PAN3: variants seen among roughly 807,000 people sequenced by gnomAD.
The protein encoded by PAN3 is poly(A) specific ribonuclease subunit PAN3.
PAN3 carries 19 observed loss-of-function variants against 96.2 expected under a neutral mutation model. The observed-to-expected ratio is 0.20, with a 90% CI of 0.14 to 0.29. The LOEUF (loss-of-function observed/expected upper bound fraction) is 0.29, where lower values mean the gene tolerates loss of function less well. PAN3 is among the 10% of genes least tolerant of loss of function. The pLI is 1.00. For missense variants in PAN3, 882 were observed against 1,108.1 expected (o/e 0.80, Z 2.90); for synonymous variants, 433 against 406.6 (o/e 1.06, Z -0.78).
Position 28,261,512 on chromosome 13 carries a change from T to C in PAN3, c.1411+54T>C, listed in dbSNP as rs139331972. ...TTTAAAGGCTGTTATAATTCTTACG[T>C]GGTAGTACATGTTTTATGCATTATT... On this transcript the variant is annotated intron_variant, in intron 9 of 18. Transcript: ENST00000380958. 2.7e-6 allele frequency: 4 copies of C among 1,484,380 alleles called. No homozygotes were observed. In the African/African-American group the frequency reaches 5.6e-5, roughly 21 times the overall value. 92.0% of individuals were successfully genotyped at this position (1,484,380 alleles called of 1,614,324 possible). A position where few individuals can be genotyped will look rare whatever the true frequency, so the allele number is the denominator to read the frequency against.
chr13:28,248,444 G>A (rs1027402872), intron 6 of PAN3, among the ~76,000 whole-genome samples: 1 of 152,074 alleles, frequency 6.6e-6, no homozygotes, highest in Non-Finnish European at 1.5e-5. Context: ...CTGGGGCTAG[G>A]ACTTCCAGTA....
intron 18 of PAN3, among the ~76,000 whole-genome samples, chr13:28,288,446 C>A (rs975835519): frequency 1.3e-5 from 2 of 152,012 alleles, no homozygotes; most frequent in African/African-American, 4.8e-5. Context: ...ATTACAGGCA[C>A]CCATCACCAT....
At chr13:28,259,703 A>G (rs996711308) in intron 7 of PAN3, among the ~76,000 whole-genome samples, 1 of 151,650 alleles carries the variant, frequency 6.6e-6, no homozygotes, top group Non-Finnish European at 1.5e-5. Flanking sequence ...CAATGGCACA[A>G]TCTCCACTCA....
chr13:28,257,752 AT>A (rs1885313085), intron 7 of PAN3, among the ~76,000 whole-genome samples: 1 of 138,104 alleles, frequency 7.2e-6, no homozygotes, highest in African/African-American at 2.7e-5. Context: ...TATATAATAT[AT>A]AATTAATTAT....
chr13:28,198,289 C>CAAA (rs539191279), intron 5 of PAN3, among the ~76,000 whole-genome samples: 2 of 124,378 alleles, frequency 1.6e-5, no homozygotes, highest in Non-Finnish European at 3.5e-5. Context: ...GATTCTGTCT[C>CAAA]AAAAAAAAAA....
chr13:28,194,445 TG>T (rs1316373326), intron 4 of PAN3, among the ~76,000 whole-genome samples: 161 of 120,084 alleles, frequency 1.3e-3, no homozygotes, highest in African/African-American at 5.7e-3. Context: ...TACATATATA[TG>T]TATGTATATA....
chr13:28,248,336 T>G (rs1304976522), intron 6 of PAN3, among the ~76,000 whole-genome samples: 1 of 152,200 alleles, frequency 6.6e-6, no homozygotes, highest in Non-Finnish European at 1.5e-5. Context: ...TTTTGGTGTT[T>G]CTAAATATAA....
chr13:28,271,481 C>T (rs1018365100), intron 13 of PAN3, among the ~76,000 whole-genome samples: 8 of 152,084 alleles, frequency 5.3e-5, no homozygotes, highest in Non-Finnish European at 7.4e-5. Flanking sequence ...GTCGATATGC[C>T]GTTGAACAAG....
chr13:28,148,401 G>A (rs1027859402), intron 1 of PAN3, among the ~76,000 whole-genome samples: 1 of 152,054 alleles, frequency 6.6e-6, no homozygotes, highest in African/African-American at 2.4e-5. Flanking sequence ...TCTCTCCTCA[G>A]TCCACTGAGT....
At position 28,294,108 on chromosome 13, in the gene PAN3, G is replaced by A. The variant is rs766582052; in HGVS notation, c.*1586G>A. 3 of 152,614 alleles carry A rather than the reference G, an allele frequency of 2.0e-5. No individual in the cohort carries two copies. The highest frequency in any genetic ancestry group is 4.4e-5 in the Non-Finnish European group (3 of 68,034). 9.5% of individuals were successfully genotyped at this position (152,614 alleles called of 1,614,324 possible). On this transcript the variant is annotated 3_prime_UTR_variant, in exon 19 of 19. Transcript: ENST00000380958. The stretch of plus-strand genomic sequence containing the variant: ...AAAAAGCACCTCTCTTCACCTGAAA[G>A]CTTTGAAGACTAGAGACACGCTTTA...
At chr13:28,262,894 T>A (rs1463029986) in intron 9 of PAN3, among the ~76,000 whole-genome samples, 1 of 152,194 alleles carries the variant, frequency 6.6e-6, no homozygotes, top group Non-Finnish European at 1.5e-5. Flanking sequence ...GAGATTTATT[T>A]ATTACGCAGT....
chr13:28,288,278 T>G (rs910895410), intron 18 of PAN3, among the ~76,000 whole-genome samples, 156 bp downstream of exon 18: 7 of 152,108 alleles, frequency 4.6e-5, no homozygotes, highest in Non-Finnish European at 8.8e-5. Flanking sequence ...AATGGGAGGA[T>G]TTTTACAATA....
intron 1 of PAN3, among the ~76,000 whole-genome samples, chr13:28,152,022 A>G (rs1045330612): frequency 8.5e-5 from 13 of 152,172 alleles, no homozygotes; most frequent in African/African-American, 3.1e-4. Flanking sequence ...AGAACTTGGG[A>G]AACACAAATC....
intron 1 of PAN3, among the ~76,000 whole-genome samples, chr13:28,145,776 T>C (rs1260239359): frequency 2.0e-5 from 3 of 150,692 alleles, no homozygotes; most frequent in African/African-American, 7.3e-5. Context: ...TTTTTTTTTT[T>C]TTTGAGACAG....
intron 4 of PAN3, among the ~76,000 whole-genome samples, chr13:28,181,368 G>A (rs1566164543): frequency 1.3e-5 from 2 of 152,032 alleles, no homozygotes; most frequent in Admixed American, 6.6e-5. Context: ...ACATTAGCCA[G>A]GAGTGGTGGT....
chr13:28,196,450 T>C (rs1054002687), intron 4 of PAN3, among the ~76,000 whole-genome samples: 2 of 152,164 alleles, frequency 1.3e-5, no homozygotes, highest in Non-Finnish European at 2.9e-5. Flanking sequence ...AATTTTCTTA[T>C]AATGTTAGGC....
intron 18 of PAN3, among the ~76,000 whole-genome samples, chr13:28,288,534 C>A (rs531955307): frequency 6.6e-6 from 1 of 152,172 alleles, no homozygotes; most frequent in Non-Finnish European, 1.5e-5. Context: ...TCAAGTGATT[C>A]GCCTGCCTCA....
intron 1 of PAN3, among the ~76,000 whole-genome samples, chr13:28,170,712 GTCATCA>G (rs570754534): frequency 2.0e-5 from 3 of 151,944 alleles, no homozygotes; most frequent in South Asian, 4.2e-4. Context: ...GGATTGCTCT[GTCATCA>G]TCATCATCAT....
At chr13:28,200,244 G>A (rs982562890) in intron 5 of PAN3, among the ~76,000 whole-genome samples, 12 of 152,060 alleles carry the variant, frequency 7.9e-5, no homozygotes, top group Admixed American at 2.0e-4. Context: ...GTATAGACAC[G>A]GGCTGTAACT....
Sources: allele counts gnomAD v4.1 joint callset (sites outside exome capture counted in the v4.1 genomes callset), GRCh38; gene constraint gnomAD v4.1.1; transcripts MANE v1.5; gene names NCBI Gene and HGNC (gene_info 2026-07-23, HGNC 2026-07-21).